TAFA4: variants seen among roughly 807,000 people sequenced by gnomAD.
The protein encoded by TAFA4 is chemokine-like protein TAFA-4.
A neutral mutation model predicts 21.1 loss-of-function variants in TAFA4; 20 were observed. The ratio of observed to expected loss-of-function variants is 0.95; its 90% confidence interval spans 0.67 to 1.38. TAFA4 has a LOEUF of 1.38. Among genes scored for constraint, TAFA4 ranks in the 40% most tolerant of loss-of-function variants. TAFA4 has a pLI of 0.00. For synonymous variants in TAFA4, 71 were observed against 67.4 expected (o/e 1.05, Z -0.26); for missense variants, 211 against 180.9 (o/e 1.17, Z -0.95).
At chr3:68,762,378 G>T (rs532401248) in intron 3 of TAFA4, among the ~76,000 whole-genome samples, 1 of 152,106 alleles carries the variant, frequency 6.6e-6, no homozygotes, top group African/African-American at 2.4e-5. Context: ...GATGTTAGCC[G>T]GGATTTTTAA....
chr3:68,931,572 G>A (rs2090158102), intron 1 of TAFA4, among the ~76,000 whole-genome samples: 5 of 152,144 alleles, frequency 3.3e-5, no homozygotes, highest in Admixed American at 3.3e-4. Context: ...AGGGCAAAGT[G>A]GGAAAAAGAG....
At chr3:68,869,627 C>T (rs1575650145) in intron 3 of TAFA4, among the ~76,000 whole-genome samples, 1 of 151,970 alleles carries the variant, frequency 6.6e-6, no homozygotes, top group East Asian at 1.9e-4. Context: ...ATCATTTCCA[C>T]AGATGTTTTA....
chr3:68,922,873 A>G (rs2090072457), intron 1 of TAFA4, among the ~76,000 whole-genome samples: 2 of 152,184 alleles, frequency 1.3e-5, no homozygotes, highest in Non-Finnish European at 2.9e-5. Context: ...ACTACTGAGA[A>G]CACCAGAGCT....
chr3:68,767,640 A>G, intron 3 of TAFA4, among the ~76,000 whole-genome samples: 1 of 152,054 alleles, frequency 6.6e-6, no homozygotes, highest in East Asian at 1.9e-4. Flanking sequence ...TGGGACACAG[A>G]AAGATGAGGG....
At chr3:68,808,311 T>C (rs975764539) in intron 3 of TAFA4, among the ~76,000 whole-genome samples, 11 of 152,154 alleles carry the variant, frequency 7.2e-5, no homozygotes, top group African/African-American at 2.4e-4. Flanking sequence ...AGTCCAGCAA[T>C]TGAAAGCATC....
At chr3:68,764,113 A>C (rs1035677304) in intron 3 of TAFA4, among the ~76,000 whole-genome samples, 3 of 152,088 alleles carry the variant, frequency 2.0e-5, no homozygotes, top group African/African-American at 7.2e-5. Flanking sequence ...GTAGGATTGT[A>C]TTTGGAGATA....
chr3:68,911,801 T>A lies in TAFA4; in HGVS notation c.-123+20439A>T, dbSNP rs546361551. ...CTTCCTAGGAAGGGTGTGCATACGT[T>A]TGGGTGTGCGTCAGCCAGTGGGGCT... On this transcript the variant is annotated intron_variant, in intron 1 of 5. Transcript: ENST00000295569. 5.3e-5 allele frequency among the ~76,000 whole-genome samples: 8 copies of A among 152,232 alleles called. No individual in the cohort carries two copies. The South Asian group carries it at 1.7e-3, about 32-fold the overall frequency.
chr3:68,853,841 T>G (rs1705004456), intron 3 of TAFA4, among the ~76,000 whole-genome samples: 1 of 152,042 alleles, frequency 6.6e-6, no homozygotes, highest in African/African-American at 2.4e-5. Context: ...TTACTGTTAT[T>G]ATTATTGCTA....
chr3:68,759,176 G>A (rs1027707043), intron 3 of TAFA4, among the ~76,000 whole-genome samples: 2 of 152,208 alleles, frequency 1.3e-5, no homozygotes, highest in African/African-American at 4.8e-5. Flanking sequence ...TTACTCAGGG[G>A]TAGAGCAGCC....
intron 3 of TAFA4, among the ~76,000 whole-genome samples, chr3:68,824,839 G>A (rs1370934623): frequency 2.0e-5 from 3 of 152,176 alleles, no homozygotes; most frequent in African/African-American, 7.2e-5. Flanking sequence ...TCTAACGGCA[G>A]CTACTTTTAA....
chr3:68,867,842 G>T (rs1204009934), intron 3 of TAFA4, among the ~76,000 whole-genome samples: 2 of 151,712 alleles, frequency 1.3e-5, no homozygotes, highest in East Asian at 3.9e-4. Context: ...ACCTATAATA[G>T]ATACAATAAC....
intron 3 of TAFA4, among the ~76,000 whole-genome samples, chr3:68,811,452 G>A (rs1703835906): frequency 6.6e-6 from 1 of 152,134 alleles, no homozygotes; most frequent in South Asian, 2.1e-4. Flanking sequence ...TGGATAACTA[G>A]AATAACCAAT....
chr3:68,842,030 A>C (rs1387516243), intron 3 of TAFA4, among the ~76,000 whole-genome samples: 1 of 152,182 alleles, frequency 6.6e-6, no homozygotes, highest in African/African-American at 2.4e-5. Flanking sequence ...TCCTTATAGT[A>C]GAATGATTTA....
At chr3:68,833,882 A>G (rs1559537303) in intron 3 of TAFA4, among the ~76,000 whole-genome samples, 1 of 152,186 alleles carries the variant, frequency 6.6e-6, no homozygotes, top group Non-Finnish European at 1.5e-5. Flanking sequence ...ATCTTAGGAA[A>G]TTGCTCTAAG....
rs150513187 is a variant in TAFA4, at chr3:68,871,985, A to G, written c.130+8745T>C. Among the ~76,000 whole-genome samples the G allele has an allele frequency of 1.1e-3, 161 of 152,276 alleles. 1 individual carries two copies. Among genetic ancestry groups the G allele is most frequent in the African/African-American group, 3.6e-3 (148 of 41,570 alleles). On this transcript the variant is annotated intron_variant, in intron 3 of 5. Coordinates refer to ENST00000295569, the MANE Select transcript of TAFA4 (RefSeq NM_182522.5). ...GATTAGTACAGCCACTGTGGAAAAC[A>G]ATACAGTGGTCCTTCAAAAACTAAA... is the stretch of plus-strand genomic sequence containing the variant.
At chr3:68,891,734 G>C (rs112401175) in intron 1 of TAFA4, among the ~76,000 whole-genome samples, 36 of 152,112 alleles carry the variant, frequency 2.4e-4, no homozygotes, top group Non-Finnish European at 7.4e-5. Context: ...GGGTAGGGAT[G>C]GGGGGAGACT....
At chr3:68,826,588 A>G (rs1704245768) in intron 3 of TAFA4, among the ~76,000 whole-genome samples, 1 of 152,044 alleles carries the variant, frequency 6.6e-6, no homozygotes, top group South Asian at 2.1e-4. Flanking sequence ...AAAAAAAAAA[A>G]AAGGTTAACT....
Position 68,910,103 on chromosome 3 carries a change from G to A in TAFA4, c.-123+22137C>T, listed in dbSNP as rs149048054. Among the ~76,000 whole-genome samples, 10 of 152,330 alleles carry A rather than the reference G, an allele frequency of 6.6e-5. No individual in the cohort carries two copies. In the East Asian group the frequency reaches 1.9e-3, roughly 29 times the overall value. On this transcript the variant is annotated intron_variant, in intron 1 of 5. Coordinates refer to ENST00000295569, the MANE Select transcript of TAFA4 (RefSeq NM_182522.5). ...CCAACACACACATTCACTTCTTCAA[G>A]CCATCATAGAGTCTCTAGAGCTAGG...
chr3:68,879,752 A>T (rs1488577285), intron 3 of TAFA4, among the ~76,000 whole-genome samples: 1 of 152,220 alleles, frequency 6.6e-6, no homozygotes, highest in Non-Finnish European at 1.5e-5. Context: ...CAGAATAACG[A>T]AGTGGAAAGT....
Sources: gnomAD v4.1 joint callset for allele counts (sites outside exome capture counted in the v4.1 genomes callset) on GRCh38, gnomAD v4.1.1 for gene constraint, MANE v1.5 for transcripts, NCBI Gene and HGNC (gene_info 2026-07-23, HGNC 2026-07-21) for gene names.